Variants in RBM19 observed in about 807,000 individuals in gnomAD.
The protein encoded by RBM19 is RNA binding motif protein 19.
In RBM19, 94 loss-of-function variants were observed where a neutral mutation model predicts 116.8. The ratio of observed to expected loss-of-function variants is 0.80; its 90% CI spans 0.68 to 0.95. The LOEUF (loss-of-function observed/expected upper bound fraction) is 0.95. Ranked by LOEUF, RBM19 falls within the 40% of genes least tolerant of loss-of-function variation. The pLI is 0.00. For missense variants in RBM19, 1,161 were observed against 1,220.7 expected, an observed-to-expected ratio of 0.95 and a Z score of 0.73; for synonymous variants, 475 against 494.1, an observed-to-expected ratio of 0.96 and a Z score of 0.51.
chr12:113,938,289 C>T (rs938050467), intron 15 of RBM19, among the ~76,000 whole-genome samples: 2 of 152,054 alleles, frequency 1.3e-5, no homozygotes, highest in African/African-American at 4.8e-5. Flanking sequence ...ATGGGTCAGG[C>T]GCAGACTGAC....
At chr12:113,930,218 CTCTT>C (rs1220005484) in intron 16 of RBM19, among the ~76,000 whole-genome samples, 1 of 152,244 alleles carries the variant, frequency 6.6e-6, no homozygotes, top group Non-Finnish European at 1.5e-5. Flanking sequence ...ATGCCCTTCC[CTCTT>C]TCTGTCTCAA....
intron 21 of RBM19, among the ~76,000 whole-genome samples, chr12:113,876,273 G>T (rs1879662829): frequency 6.6e-6 from 1 of 152,152 alleles, no homozygotes; most frequent in Admixed American, 6.5e-5. Flanking sequence ...CTGGGAAGAA[G>T]GTAAGTCTAG....
At chr12:113,861,821 C>T (rs149357973) in intron 21 of RBM19, among the ~76,000 whole-genome samples, 4 of 152,226 alleles carry the variant, frequency 2.6e-5, no homozygotes, top group East Asian at 3.9e-4. Flanking sequence ...TACCAGGGAT[C>T]GTAGGCAGGG....
At chr12:113,931,545 A>T (rs1202715626) in intron 16 of RBM19, among the ~76,000 whole-genome samples, 1 of 152,128 alleles carries the variant, frequency 6.6e-6, no homozygotes, top group African/African-American at 2.4e-5. Flanking sequence ...GGACAACTGA[A>T]GAGACTCCCT....
At chr12:113,961,669 G>A (rs1872514191) in intron 2 of RBM19, among the ~76,000 whole-genome samples, 1 of 152,198 alleles carries the variant, frequency 6.6e-6, no homozygotes, top group African/African-American at 2.4e-5. Context: ...TGACCTGAGT[G>A]GAGCCCACTC....
intron 1 of RBM19, among the ~76,000 whole-genome samples, chr12:113,965,186 T>C (rs1872766942): frequency 6.6e-6 from 1 of 150,782 alleles, no homozygotes; most frequent in Admixed American, 6.6e-5. Context: ...GGCAGGAGCA[T>C]CGCTAGAACC....
chr12:113,962,715 C>A (rs1293348154), intron 1 of RBM19, among the ~76,000 whole-genome samples: 10 of 152,190 alleles, frequency 6.6e-5, no homozygotes, highest in Non-Finnish European at 1.3e-4. Context: ...AGCAGTATTA[C>A]GTCTGCTACA....
intron 1 of RBM19, among the ~76,000 whole-genome samples, chr12:113,965,519 A>C (rs912532872): frequency 6.7e-6 from 1 of 148,822 alleles, no homozygotes; most frequent in Non-Finnish European, 1.5e-5. Flanking sequence ...CCATTTAAAA[A>C]CAAAAAAACA....
intron 21 of RBM19, among the ~76,000 whole-genome samples, chr12:113,910,853 A>G (rs1882384590): frequency 6.6e-6 from 1 of 152,338 alleles, no homozygotes; most frequent in South Asian, 2.1e-4. Flanking sequence ...TGAGCTCTGC[A>G]TACAGCTGCT....
At chr12:113,951,706 G>A (rs1871480713) in intron 8 of RBM19, among the ~76,000 whole-genome samples, 1 of 152,198 alleles carries the variant, frequency 6.6e-6, no homozygotes, top group South Asian at 2.1e-4. Flanking sequence ...GATCAGCTGG[G>A]TAAGTGGGAC....
chr12:113,923,117 G>C (rs1229619562), intron 18 of RBM19, among the ~76,000 whole-genome samples: 1 of 152,232 alleles, frequency 6.6e-6, no homozygotes, highest in Non-Finnish European at 1.5e-5. Context: ...CTGGGTGACA[G>C]AGTGAGACTC....
intron 21 of RBM19, among the ~76,000 whole-genome samples, chr12:113,905,230 C>T (rs1247195145): frequency 1.3e-5 from 2 of 152,170 alleles, no homozygotes; most frequent in Non-Finnish European, 2.9e-5. Context: ...TGGTAATTAA[C>T]ACAGGTTGGT....
intron 23 of RBM19, among the ~76,000 whole-genome samples, chr12:113,839,137 G>A (rs1476693394): frequency 1.3e-5 from 2 of 152,232 alleles, no homozygotes; most frequent in South Asian, 2.1e-4. Flanking sequence ...AGCCAGGGGA[G>A]GGAACTGGGC....
At chr12:113,819,494 C>A (rs185134348), downstream of RBM19, among the ~76,000 whole-genome samples, 1 of 152,188 alleles carries the variant, frequency 6.6e-6, no homozygotes, top group Non-Finnish European at 1.5e-5. Context: ...AGTCCTGAGC[C>A]GGGTCAGGAG....
chr12:113,864,539 T>C (rs986753385), intron 21 of RBM19, among the ~76,000 whole-genome samples: 1 of 152,222 alleles, frequency 6.6e-6, no homozygotes, highest in African/African-American at 2.4e-5. Context: ...TATGGTAAGA[T>C]GGCAGCTGCC....
In RBM19 at chr12:113,878,681, A is replaced by G. The variant is rs78263985; in HGVS notation, c.2559-19785T>C. ...CACACACACACACACACCCTCACTC[A>G]GCAAACGTCCCATAGCACGGGGATG... On this transcript the variant is annotated intron_variant, in intron 21 of 23. Transcript: ENST00000261741. Among the ~76,000 whole-genome samples the G allele has an allele frequency of 7.4e-4, 110 of 148,662 alleles. 1 individual carries two copies. The East Asian group carries it at 0.022, about 29-fold the overall frequency.
intron 21 of RBM19, among the ~76,000 whole-genome samples, chr12:113,887,247 G>C (rs1880591324): frequency 6.6e-6 from 1 of 152,100 alleles, no homozygotes; most frequent in Admixed American, 6.5e-5. Flanking sequence ...TTCACTGTCT[G>C]GCCCTTTATG....
Position 113,844,813 on chromosome 12 carries a change from T to G in RBM19, c.2665-25A>C, listed in dbSNP as rs1876814553. Reference sequence around the variant, plus strand: ...TCTGCAGAGGGACAAGAAACGAAACTGCACATCAGCTGGATCAGTGCGGCA... The same window carrying G: ...TCTGCAGAGGGACAAGAAACGAAACGGCACATCAGCTGGATCAGTGCGGCA... On this transcript the variant is annotated intron_variant, in intron 22 of 23. Coordinates refer to ENST00000261741, the MANE Select transcript of RBM19 (RefSeq NM_016196.4). 7 of 1,596,556 alleles carry G rather than the reference T, an allele frequency of 4.4e-6. No homozygotes were observed. In the East Asian group the frequency reaches 1.6e-4, roughly 36 times the overall value.
intron 21 of RBM19, among the ~76,000 whole-genome samples, chr12:113,891,918 C>T (rs1880988843): frequency 6.6e-6 from 1 of 152,188 alleles, no homozygotes; most frequent in Non-Finnish European, 1.5e-5. Context: ...TGTAGAAAGC[C>T]TTTGTTCCTC....
Sources: gnomAD v4.1 joint callset for allele counts (sites outside exome capture counted in the v4.1 genomes callset) on GRCh38, gnomAD v4.1.1 for gene constraint, MANE v1.5 for transcripts, NCBI Gene and HGNC (gene_info 2026-07-23, HGNC 2026-07-21) for gene names.